POU2F2: variants seen among roughly 807,000 people sequenced by gnomAD.
POU2F2 encodes POU domain, class 2, transcription factor 2.
POU2F2 carries 14 observed loss-of-function variants against 63.5 expected under a neutral mutation model. The observed-to-expected ratio is 0.22, with a 90% CI of 0.15 to 0.34. The LOEUF is 0.34. Among genes scored for constraint, POU2F2 ranks in the 10% least tolerant of loss-of-function variants. The probability of loss-of-function intolerance (pLI) is 1.00; values close to 1 mark genes in which losing one functional copy is unlikely to be tolerated. For missense variants in POU2F2, 607 were observed against 815.2 expected, an observed-to-expected ratio of 0.74 and a Z score of 3.11; for synonymous variants, 306 against 348.6, an observed-to-expected ratio of 0.88 and a Z score of 1.36.
chr19:42,161,732 T>C (rs2034555069), intron 1 of POU2F2, among the ~76,000 whole-genome samples: 1 of 152,032 alleles, frequency 6.6e-6, no homozygotes, highest in Non-Finnish European at 1.5e-5. Context: ...ATCTGTCCTG[T>C]CTCTCCCTGG....
At chr19:42,149,156 C>A (rs2146767942) in intron 2 of POU2F2, among the ~76,000 whole-genome samples, 1 of 152,224 alleles carries the variant, frequency 6.6e-6, no homozygotes, top group Non-Finnish European at 1.5e-5. Flanking sequence ...CTTGGAGTAG[C>A]TCGCTTTTCA....
At chr19:42,134,148 C>T (rs974383580), upstream of POU2F2, among the ~76,000 whole-genome samples, 1 of 149,060 alleles carries the variant, frequency 6.7e-6, no homozygotes, top group Non-Finnish European at 1.5e-5. Context: ...GCGACATTTA[C>T]GCAGTAAGCT....
intron 1 of POU2F2, among the ~76,000 whole-genome samples, chr19:42,163,898 AC>A (rs2034599779): frequency 6.6e-6 from 1 of 152,146 alleles, no homozygotes. Context: ...ATTTTTTTTT[AC>A]ACTTCTCTCA....
At chr19:42,122,889 TATC>T (rs1235137440) in intron 1 of POU2F2, among the ~76,000 whole-genome samples, 1 of 152,032 alleles carries the variant, frequency 6.6e-6, no homozygotes, top group Non-Finnish European at 1.5e-5. Context: ...CGTGAGAAGG[TATC>T]AGCTGCCCAG....
intron 2 of POU2F2, among the ~76,000 whole-genome samples, chr19:42,145,450 A>C (rs1021642950): frequency 1.3e-5 from 2 of 152,214 alleles, no homozygotes; most frequent in Non-Finnish European, 2.9e-5. Context: ...GATTCAGAGG[A>C]GTTTAACTTA....
At chr19:42,114,116 T>A (rs1004005797) in intron 5 of POU2F2, among the ~76,000 whole-genome samples, 3 of 151,908 alleles carry the variant, frequency 2.0e-5, no homozygotes, top group Non-Finnish European at 4.4e-5. Flanking sequence ...CCCTTGACAA[T>A]CAGGGCCTGG....
intron 2 of POU2F2, among the ~76,000 whole-genome samples, chr19:42,151,025 G>A (rs1208499302): frequency 6.6e-6 from 1 of 152,178 alleles, no homozygotes; most frequent in Non-Finnish European, 1.5e-5. Flanking sequence ...ATGGTGGGCT[G>A]AGGGCCCTGG....
intron 5 of POU2F2, among the ~76,000 whole-genome samples, chr19:42,107,634 G>C (rs2030336560): frequency 1.3e-5 from 2 of 152,212 alleles, no homozygotes; most frequent in African/African-American, 4.8e-5. Flanking sequence ...ATTCATGATA[G>C]AGGGACATGC....
At chr19:42,141,915 A>G (rs1455395629) in intron 2 of POU2F2, among the ~76,000 whole-genome samples, 1 of 152,252 alleles carries the variant, frequency 6.6e-6, no homozygotes, top group Non-Finnish European at 1.5e-5. Flanking sequence ...GTGGCTAAGT[A>G]AATTATAATA....
upstream of POU2F2, among the ~76,000 whole-genome samples, chr19:42,135,820 G>C (rs534598014): frequency 1.0e-4 from 15 of 149,904 alleles, no homozygotes; most frequent in East Asian, 3.0e-3. Context: ...CGCATCTCAC[G>C]CCTCCTCAGC....
At chr19:42,174,873 C>T (rs141942716) in intron 1 of POU2F2, among the ~76,000 whole-genome samples, 77 of 152,238 alleles carry the variant, frequency 5.1e-4, no homozygotes, top group East Asian at 1.5e-3. Context: ...CTGAGCGAAG[C>T]GGCTGATTGG....
chr19:42,193,843 C>T (rs1162367527), intron 1 of POU2F2, among the ~76,000 whole-genome samples: 2 of 152,088 alleles, frequency 1.3e-5, no homozygotes, highest in Non-Finnish European at 2.9e-5. Flanking sequence ...TAATAGCCTC[C>T]AACTGGAAAC....
chr19:42,114,378 T>C (rs1229577031), intron 5 of POU2F2, among the ~76,000 whole-genome samples: 2 of 152,034 alleles, frequency 1.3e-5, no homozygotes, highest in Admixed American at 1.3e-4. Flanking sequence ...AGGTGTGGAC[T>C]CCTGGGCTGG....
At chr19:42,100,910 T>C (rs2077113291) in intron 5 of POU2F2, among the ~76,000 whole-genome samples, 1 of 151,784 alleles carries the variant, frequency 6.6e-6, no homozygotes, top group African/African-American at 2.4e-5. Flanking sequence ...CCATCCTGGC[T>C]AACACAGTGA....
chr19:42,166,135 C>G (rs1440540567), intron 1 of POU2F2, among the ~76,000 whole-genome samples: 2 of 152,322 alleles, frequency 1.3e-5, no homozygotes, highest in Admixed American at 1.3e-4. Context: ...ATCTCTTGGG[C>G]CTTCTGCAGA....
chr19:42,148,658 C>G (rs2034280491), intron 2 of POU2F2, among the ~76,000 whole-genome samples: 1 of 152,142 alleles, frequency 6.6e-6, no homozygotes, highest in African/African-American at 2.4e-5. Flanking sequence ...TCAACTTCCC[C>G]TCAATTCAAC....
rs988439702 is a variant in POU2F2, at chr19:42,090,937, G to A, written c.*320C>T. The A allele has an allele frequency of 4.5e-5, 10 of 224,630 alleles. No homozygotes were observed. The highest frequency in any genetic ancestry group is 1.2e-4 in the African/African-American group (5 of 43,246). The allele number at this position is 224,630 out of a possible 1,614,324, so 13.9% of individuals were successfully genotyped here. ...GGGTGAGCACGCTGAGGTCTGGCTC[G>A]CGACTGGTTTTTTGGTTTGTTTGAT... On this transcript the variant is annotated 3_prime_UTR_variant, in exon 15 of 15. Transcript: ENST00000692977. This position sits in a 1 kb window ranked among gnomAD's most constrained non-coding sequence, Gnocchi z 4.4.
In POU2F2 at chr19:42,095,731, T is replaced by A; in HGVS notation, c.872-38A>T. On this transcript the variant is annotated intron_variant, in intron 9 of 14. Coordinates refer to ENST00000692977, the MANE Select transcript of POU2F2 (RefSeq NM_001394376.1). This position sits in a 1 kb window ranked among gnomAD's most constrained non-coding sequence, Gnocchi z 7.1. ...GGAGACGTGAGCATGAGAAGGGGCC[T>A]CCCGCGGCCAGCGGCCACTGCCCGC... 1 of 1,612,294 alleles carries A rather than the reference T, an allele frequency of 6.2e-7. No individual in the cohort carries two copies. The highest frequency in any genetic ancestry group is 8.5e-7 in the Non-Finnish European group (1 of 1,179,802).
intron 5 of POU2F2, among the ~76,000 whole-genome samples, chr19:42,115,902 A>T (rs2031786018): frequency 6.6e-6 from 1 of 152,248 alleles, no homozygotes; most frequent in Non-Finnish European, 1.5e-5. Context: ...ATTTGAATAC[A>T]GAGACAGGTG....
Sources: allele counts gnomAD v4.1 joint callset (sites outside exome capture counted in the v4.1 genomes callset), GRCh38; gene constraint gnomAD v4.1.1; non-coding constraint Gnocchi (gnomAD v3.1); transcripts MANE v1.5; gene names NCBI Gene and HGNC (gene_info 2026-07-23, HGNC 2026-07-21).